GPR39: variants seen among roughly 807,000 people sequenced by gnomAD.
GPR39 encodes the protein zinc sensing receptor.
A neutral mutation model predicts 18.4 loss-of-function variants in GPR39; 23 were observed. The observed-to-expected ratio is 1.25, with a 90% confidence interval of 0.90 to 1.77. GPR39 has a LOEUF of 1.77. GPR39 is among the 40% of genes most tolerant of loss of function. The pLI, the probability that GPR39 is intolerant of heterozygous loss-of-function variation, is 0.00. For synonymous variants in GPR39, 280 were observed against 257.9 expected (o/e 1.09, Z -0.82); for missense variants, 647 against 602.4 (o/e 1.07, Z -0.78).
At chr2:132,418,901 CA>C (rs1679959868) in intron 1 of GPR39, among the ~76,000 whole-genome samples, 1 of 152,156 alleles carries the variant, frequency 6.6e-6, no homozygotes, top group African/African-American at 2.4e-5. Flanking sequence ...TCCCCTGTGG[CA>C]TCAGGAAAAG....
rs1200905802 is a variant in GPR39 at position 132,514,688 on chromosome 2, A to G, written c.856+96790A>G. Among the ~76,000 whole-genome samples the G allele has an allele frequency of 2.0e-5, 3 of 152,240 alleles. No individual in the cohort carries two copies. The East Asian group carries it at 5.8e-4, about 30-fold the overall frequency. Reference sequence around the variant, plus strand: ...CAGGTGGAAGGTGCATCCTCTCTACACCGTGGAAGAGATAATGATTACATC... The same window carrying G: ...CAGGTGGAAGGTGCATCCTCTCTACGCCGTGGAAGAGATAATGATTACATC... On this transcript the variant is annotated intron_variant, in intron 1 of 1. Transcript: ENST00000329321.
chr2:132,599,544 A>G (rs1681004393), intron 1 of GPR39, among the ~76,000 whole-genome samples: 1 of 152,180 alleles, frequency 6.6e-6, no homozygotes, highest in South Asian at 2.1e-4. Flanking sequence ...TAGTGTCTAC[A>G]TCTGGGGAAA....
chr2:132,602,971 T>G (rs534394883), intron 1 of GPR39, among the ~76,000 whole-genome samples: 8 of 151,082 alleles, frequency 5.3e-5, no homozygotes, highest in African/African-American at 1.9e-4. Context: ...TGAAAAACAG[T>G]ATGGAGGTTT....
At chr2:132,540,280 G>T (rs1679839210) in intron 1 of GPR39, among the ~76,000 whole-genome samples, 1 of 152,138 alleles carries the variant, frequency 6.6e-6, no homozygotes, top group Non-Finnish European at 1.5e-5. Flanking sequence ...CGGAGATTTA[G>T]TTGTGAGAAC....
chr2:132,481,175 T>A (rs889073032), intron 1 of GPR39, among the ~76,000 whole-genome samples: 3 of 152,220 alleles, frequency 2.0e-5, no homozygotes, highest in African/African-American at 7.2e-5. Flanking sequence ...GCCTCAGAGG[T>A]GTGAGCTTAT....
At chr2:132,545,760 C>T (rs1207844529) in intron 1 of GPR39, among the ~76,000 whole-genome samples, 5 of 152,026 alleles carry the variant, frequency 3.3e-5, no homozygotes, top group Middle Eastern at 3.2e-3. Context: ...TGCTAAAAGG[C>T]AGAATCAGAT....
rs753381502 is a variant in GPR39, at chr2:132,645,329, G to T, written c.1085G>T (p.Arg362Leu). Residue 362 changes from arginine to leucine, a missense_variant, in exon 2 of 2, where the codon CGC becomes CTC. This residue lies in a region of GPR39 where 581 missense variants were observed against 506.8 expected (regional missense o/e 1.15). Transcript: ENST00000329321. ...GTGTTCGTGCAGGTGCTGTGCTGCC[G>T]CCTGTCGCTGCAGCACGCCAACCAC... ...RRVFVQVLCC[R>L]LSLQHANHEK... 5.0e-6 allele frequency: 8 copies of T among 1,614,002 alleles called. 1 individual carries two copies. The South Asian group carries it at 7.7e-5, about 16-fold the overall frequency.
intron 1 of GPR39, among the ~76,000 whole-genome samples, chr2:132,595,868 C>T (rs148352245): frequency 6.6e-6 from 1 of 152,248 alleles, no homozygotes; most frequent in East Asian, 1.9e-4. Context: ...TAATTATAAC[C>T]GTGCTCTTGA....
intron 1 of GPR39, among the ~76,000 whole-genome samples, chr2:132,505,551 C>T (rs1291248806): frequency 1.3e-5 from 2 of 152,142 alleles, no homozygotes; most frequent in Non-Finnish European, 2.9e-5. Flanking sequence ...CCCCTTTACC[C>T]ACCCCACACA....
At chr2:132,644,525 A>G (rs936835712) in intron 1 of GPR39, among the ~76,000 whole-genome samples, 1 of 152,244 alleles carries the variant, frequency 6.6e-6, no homozygotes, top group Non-Finnish European at 1.5e-5. Context: ...ATATGTCCAA[A>G]AAACATTCTT....
In GPR39 at chr2:132,521,076, C is replaced by T. The variant is rs115274802; in HGVS notation, c.856+103178C>T. Reference sequence around the variant, plus strand: ...CCCTTTGCCTCATTGTCTTAGCACACGGGCTTCGTCCTCATGGTCACAGGA... The same window carrying T: ...CCCTTTGCCTCATTGTCTTAGCACATGGGCTTCGTCCTCATGGTCACAGGA... On this transcript the variant is annotated intron_variant, in intron 1 of 1. Transcript: ENST00000329321. Among the ~76,000 whole-genome samples, 1,449 of 152,270 alleles carry T rather than the reference C, an allele frequency of 9.5e-3. 15 individuals are homozygous for T. The highest frequency in any genetic ancestry group is 0.032 in the African/African-American group (1,324 of 41,554).
At chr2:132,537,221 C>T (rs1679774296) in intron 1 of GPR39, among the ~76,000 whole-genome samples, 2 of 152,150 alleles carry the variant, frequency 1.3e-5, no homozygotes, top group South Asian at 4.1e-4. Context: ...TTTTAATTTC[C>T]ATATTTAGTG....
At chr2:132,642,878 GAA>G (rs57152989) in intron 1 of GPR39, among the ~76,000 whole-genome samples, 1 of 151,720 alleles carries the variant, frequency 6.6e-6, no homozygotes, top group East Asian at 1.9e-4. Context: ...ACAGGAAAGA[GAA>G]AAAAAATGCA....
Position 132,465,275 on chromosome 2 carries a change from C to G in GPR39, c.856+47377C>G, listed in dbSNP as rs149564546. On this transcript the variant is annotated intron_variant, in intron 1 of 1. Transcript: ENST00000329321. ...TGTAAGGATAGATTACCAGGATTGT[C>G]TCTACAGAGGAGTTCCCCTTTTCCT... 5.3e-5 allele frequency among the ~76,000 whole-genome samples: 8 copies of G among 152,332 alleles called. No individual in the cohort carries two copies. In the East Asian group the frequency reaches 1.5e-3, roughly 29 times the overall value.
At chr2:132,487,478 G>T (rs145286110) in intron 1 of GPR39, among the ~76,000 whole-genome samples, 2 of 152,146 alleles carry the variant, frequency 1.3e-5, no homozygotes, top group African/African-American at 4.8e-5. Flanking sequence ...AAGCATTCCT[G>T]TGTCAGTATT....
rs74465054 is a variant in GPR39, at chr2:132,439,443, C to T, written c.856+21545C>T. On this transcript the variant is annotated intron_variant, in intron 1 of 1. Transcript: ENST00000329321. Reference sequence around the variant, plus strand: ...ATCCTGTTGAAAGGCTGCTGAGATGCGGCTCCACTTGACAATGGTGGGACT... The same window carrying T: ...ATCCTGTTGAAAGGCTGCTGAGATGTGGCTCCACTTGACAATGGTGGGACT... 7.0e-4 allele frequency among the ~76,000 whole-genome samples: 107 copies of T among 152,278 alleles called. 2 individuals are homozygous for T. The East Asian group carries it at 0.02, about 28-fold the overall frequency.
At chr2:132,493,424 G>C (rs140222506) in intron 1 of GPR39, among the ~76,000 whole-genome samples, 3 of 131,936 alleles carry the variant, frequency 2.3e-5, no homozygotes, top group Non-Finnish European at 3.2e-5. Flanking sequence ...ATATACACAC[G>C]CCATATATAC....
chr2:132,525,606 A>C (rs1679494002), intron 1 of GPR39, among the ~76,000 whole-genome samples: 1 of 152,200 alleles, frequency 6.6e-6, no homozygotes, highest in South Asian at 2.1e-4. Flanking sequence ...GGGTAGGGTT[A>C]CGAACACTGT....
At chr2:132,538,059 C>T (rs890617588) in intron 1 of GPR39, among the ~76,000 whole-genome samples, 2 of 152,236 alleles carry the variant, frequency 1.3e-5, no homozygotes, top group Middle Eastern at 6.8e-3. Flanking sequence ...ACTCGTTCAT[C>T]TCATTCTCTG....
Sources: gnomAD v4.1 joint callset for allele counts (sites outside exome capture counted in the v4.1 genomes callset) on GRCh38, gnomAD v4.1.1 for gene constraint, gnomAD v4.1.1 regional missense constraint, MANE v1.5 for transcripts, NCBI Gene and HGNC (gene_info 2026-07-23, HGNC 2026-07-21) for gene names.